Variants in SDCCAG8 observed in about 807,000 individuals in gnomAD.
SDCCAG8 encodes serologically defined colon cancer antigen 8.
Under a neutral mutation model 101.8 loss-of-function variants are expected in SDCCAG8, and 74 were observed. The observed-to-expected ratio is 0.73, with a 90% CI of 0.60 to 0.88. The LOEUF (loss-of-function observed/expected upper bound fraction) is 0.88. SDCCAG8 is among the 40% of genes least tolerant of loss of function. The pLI is 0.00. For synonymous variants in SDCCAG8, 281 were observed against 292.9 expected (o/e 0.96, Z 0.41); for missense variants, 787 against 822.6 (o/e 0.96, Z 0.53).
At chr1:243,433,485 T>G (rs1225479636) in intron 16 of SDCCAG8, among the ~76,000 whole-genome samples, 2 of 152,194 alleles carry the variant, frequency 1.3e-5, no homozygotes, top group South Asian at 4.1e-4. Flanking sequence ...TGCCATCTCC[T>G]GGGAGGTCAC....
chr1:243,260,582 GAA>G (rs906008421), intron 1 of SDCCAG8, among the ~76,000 whole-genome samples: 1 of 152,140 alleles, frequency 6.6e-6, no homozygotes, highest in African/African-American at 2.4e-5. Context: ...AAAATTGCTA[GAA>G]ATGCAGTATT....
chr1:243,496,957 G>GC (rs1179993509), intron 17 of SDCCAG8, among the ~76,000 whole-genome samples: 6 of 152,272 alleles, frequency 3.9e-5, no homozygotes, highest in South Asian at 4.1e-4. Flanking sequence ...GCGCCCTGTC[G>GC]CCCCCCTCTG....
intron 13 of SDCCAG8, among the ~76,000 whole-genome samples, chr1:243,380,492 A>C (rs1188092497): frequency 1.3e-5 from 2 of 152,152 alleles, no homozygotes; most frequent in East Asian, 3.8e-4. Context: ...ATTCTGTCTT[A>C]TTCAGAGAGT....
At chr1:243,352,650 C>G (rs538791986) in intron 12 of SDCCAG8, among the ~76,000 whole-genome samples, 1 of 152,174 alleles carries the variant, frequency 6.6e-6, no homozygotes, top group Non-Finnish European at 1.5e-5. Context: ...ATAAATATCA[C>G]TAATTACTAC....
At chr1:243,390,035 C>T (rs1158897342) in intron 13 of SDCCAG8, among the ~76,000 whole-genome samples, 1 of 152,170 alleles carries the variant, frequency 6.6e-6, no homozygotes, top group Non-Finnish European at 1.5e-5. Flanking sequence ...GGGGGGAACT[C>T]ATCTTAAGAT....
intron 16 of SDCCAG8, chr1:243,476,399 G>A (rs2148209364): frequency 1.0e-6 from 1 of 975,218 alleles, no homozygotes; most frequent in East Asian, 1.1e-4. Flanking sequence ...TTACTTAGCT[G>A]CTGTGGGCCC....
chr1:243,308,164 G>A lies in SDCCAG8; in HGVS notation c.916G>A (p.Glu306Lys), dbSNP rs777002036. 3.2e-5 allele frequency: 52 copies of A among 1,614,012 alleles called. No homozygotes were observed. In the South Asian group the frequency reaches 4.6e-4, roughly 14 times the overall value. ...TACTAATGTTCATATGCAGACCATC[G>A]AAAGACTGGTTAAGTAAGTATGCTT... The part of the protein sequence containing the change: ...THTNVHMQTI[E>K]RLVKERDDLM... Residue 306 changes from glutamate to lysine, a missense_variant, in exon 8 of 18, where the codon GAA becomes AAA. By Grantham distance (56) the Glu-to-Lys change is moderately conservative. Transcript: ENST00000366541.
intron 1 of SDCCAG8, among the ~76,000 whole-genome samples, chr1:243,259,885 T>A (rs1048508282): frequency 2.0e-5 from 3 of 152,172 alleles, no homozygotes; most frequent in Non-Finnish European, 1.5e-5. Flanking sequence ...TTAATTTTGG[T>A]ACTATTATGG....
At chr1:243,452,111 T>C (rs1164119203) in intron 16 of SDCCAG8, among the ~76,000 whole-genome samples, 1 of 152,176 alleles carries the variant, frequency 6.6e-6, no homozygotes, top group Admixed American at 6.5e-5. Flanking sequence ...CTCAGGCGTT[T>C]CCATGTGTGT....
intron 17 of SDCCAG8, among the ~76,000 whole-genome samples, chr1:243,496,171 A>G (rs1477072030): frequency 1.3e-5 from 2 of 152,234 alleles, no homozygotes; most frequent in African/African-American, 4.8e-5. Context: ...TAAGGCCCAG[A>G]GAAATGAAGT....
intron 4 of SDCCAG8, among the ~76,000 whole-genome samples, chr1:243,285,392 CA>C (rs1277697681): frequency 6.6e-6 from 1 of 152,134 alleles, no homozygotes; most frequent in African/African-American, 2.4e-5. Flanking sequence ...TCAGTTTGTT[CA>C]ACATTTTTCC....
intron 16 of SDCCAG8, among the ~76,000 whole-genome samples, chr1:243,478,889 C>T (rs1306925784): frequency 5.8e-5 from 8 of 138,070 alleles, no homozygotes; most frequent in African/African-American, 1.7e-4. Context: ...ACCCGGGAGG[C>T]GGAGGTTGCA....
chr1:243,296,603 C>T (rs1339829981), intron 6 of SDCCAG8, among the ~76,000 whole-genome samples: 1 of 115,884 alleles, frequency 8.6e-6, no homozygotes. Flanking sequence ...AGTGCTGTGG[C>T]GCGATCTCCG....
rs775004929 is a variant in SDCCAG8 at position 243,418,038 on chromosome 1, A to G, written c.1815A>G (p.Thr605=). ...CAAAGTTAAAGGAAGAATGCTGTACATTAGCCAAGAAACTGGAACAAATCT... is the reference window on the plus strand; with the variant it reads ...CAAAGTTAAAGGAAGAATGCTGTACGTTAGCCAAGAAACTGGAACAAATCT... ...FLTKLKEECC[T]LAKKLEQISQ... The change falls in exon 15 of 18, where the codon ACA becomes ACG. Residue 605 remains threonine (T), a synonymous_variant. Coordinates refer to ENST00000366541, the MANE Select transcript of SDCCAG8 (RefSeq NM_006642.5). 1.9e-5 allele frequency: 30 copies of G among 1,613,038 alleles called. No homozygotes were observed. Among genetic ancestry groups the G allele is most frequent in the Middle Eastern group, 1.6e-4 (1 of 6,076 alleles).
intron 17 of SDCCAG8, among the ~76,000 whole-genome samples, chr1:243,494,927 CTTTATT>C (rs909828873): frequency 5.9e-5 from 9 of 152,228 alleles, no homozygotes; most frequent in Non-Finnish European, 1.2e-4. Context: ...TCAGTGTTGT[CTTTATT>C]TTTAACACTT....
intron 16 of SDCCAG8, among the ~76,000 whole-genome samples, chr1:243,472,901 C>G (rs528253738): frequency 6.6e-6 from 1 of 152,312 alleles, no homozygotes; most frequent in East Asian, 1.9e-4. Flanking sequence ...ATATTTTCTA[C>G]AAACATAAAT....
intron 16 of SDCCAG8, among the ~76,000 whole-genome samples, chr1:243,454,822 T>C (rs554611744): frequency 2.6e-5 from 4 of 152,124 alleles, no homozygotes; most frequent in African/African-American, 9.7e-5. Flanking sequence ...TCAGTCAGCA[T>C]GACAGATGCA....
intron 1 of SDCCAG8, among the ~76,000 whole-genome samples, chr1:243,257,016 G>A (rs1473129424): frequency 6.6e-6 from 1 of 152,170 alleles, no homozygotes; most frequent in African/African-American, 2.4e-5. Context: ...AGATGGCGCT[G>A]TCAACTTGGA....
At chr1:243,354,341 GAC>G (rs2076267981) in intron 12 of SDCCAG8, among the ~76,000 whole-genome samples, 1 of 152,150 alleles carries the variant, frequency 6.6e-6, no homozygotes, top group Non-Finnish European at 1.5e-5. Context: ...TTATAAACAT[GAC>G]ACTTTTGTTA....
Sources: gnomAD v4.1 joint callset for allele counts (sites outside exome capture counted in the v4.1 genomes callset) on GRCh38, gnomAD v4.1.1 for gene constraint, MANE v1.5 for transcripts, NCBI Gene and HGNC (gene_info 2026-07-23, HGNC 2026-07-21) for gene names.